Variants in LIN28B observed in about 807,000 individuals in gnomAD.
The protein encoded by LIN28B is lin-28 RNA binding posttranscriptional regulator B, also known as protein lin-28 homolog B.
LIN28B carries 5 observed loss-of-function variants against 21.9 expected under a neutral mutation model. That is an observed-to-expected ratio of 0.23 (90% CI 0.12 to 0.48). LIN28B has a LOEUF of 0.48. Among genes scored for constraint, LIN28B ranks in the 20% least tolerant of loss-of-function variants. The pLI is 0.98. For synonymous variants in LIN28B, 109 were observed against 111.3 expected (o/e 0.98, Z 0.13); for missense variants, 245 against 310.5 (o/e 0.79, Z 1.58).
intron 3 of LIN28B, among the ~76,000 whole-genome samples, chr6:105,069,395 G>A (rs999384078): frequency 1.3e-5 from 2 of 152,096 alleles, no homozygotes; most frequent in African/African-American, 4.8e-5. Context: ...AATTGGTAAT[G>A]ATGGTGAAAT....
At chr6:104,988,744 T>C (rs1770400557) in intron 2 of LIN28B, among the ~76,000 whole-genome samples, 1 of 151,980 alleles carries the variant, frequency 6.6e-6, no homozygotes, top group Non-Finnish European at 1.5e-5. Flanking sequence ...GTCCGGCTAA[T>C]TTTTTTGTAT....
At chr6:105,028,700 G>T (rs540421676) in intron 3 of LIN28B, among the ~76,000 whole-genome samples, 1 of 152,316 alleles carries the variant, frequency 6.6e-6, no homozygotes, top group South Asian at 2.1e-4. Context: ...TTTAATTAGA[G>T]ATACATAATG....
At chr6:105,052,766 A>G (rs1198156816) in intron 3 of LIN28B, among the ~76,000 whole-genome samples, 1 of 151,854 alleles carries the variant, frequency 6.6e-6, no homozygotes, top group Non-Finnish European at 1.5e-5. Flanking sequence ...ATGGCTGTTG[A>G]TTTCTTCTCT....
At chr6:104,954,476 C>T (rs539785602), upstream of LIN28B, among the ~76,000 whole-genome samples, 12 of 152,226 alleles carry the variant, frequency 7.9e-5, no homozygotes, top group African/African-American at 2.6e-4. Flanking sequence ...TCTCCCTTTC[C>T]AACTTCCTTG....
intron 3 of LIN28B, among the ~76,000 whole-genome samples, chr6:105,048,903 C>T (rs962814517): frequency 7.9e-5 from 12 of 152,220 alleles, no homozygotes; most frequent in African/African-American, 1.7e-4. Flanking sequence ...TGATTCTTCT[C>T]TCTTTTCTTC....
At chr6:104,958,003 C>A (rs924105615) in intron 1 of LIN28B, 96 bp from the exon 2 acceptor site, 4 of 800,936 alleles carry the variant, frequency 5.0e-6, no homozygotes, top group African/African-American at 3.5e-5. Context: ...TGTTACCCTT[C>A]CCCCCCAACC....
rs17065423 is a variant in LIN28B, at chr6:104,981,096, A to G, written c.198+22810A>G. The stretch of plus-strand genomic sequence containing the variant: ...AAGGATGCAGGACATAGCTTTTCAC[A>G]TTATAATTCACCTTAGCCTTTGTTT... On this transcript the variant is annotated intron_variant, in intron 2 of 3. Transcript: ENST00000345080. Among the ~76,000 whole-genome samples the G allele has an allele frequency of 4.4e-4, 67 of 152,322 alleles. 1 individual carries two copies. In the East Asian group the frequency reaches 0.012, roughly 28 times the overall value.
chr6:104,962,210 A>G (rs1396290603), intron 2 of LIN28B, among the ~76,000 whole-genome samples: 2 of 152,126 alleles, frequency 1.3e-5, no homozygotes, highest in South Asian at 2.1e-4. Context: ...TTGTTTACAT[A>G]AATGTATTTC....
intron 2 of LIN28B, among the ~76,000 whole-genome samples, chr6:104,979,730 A>G (rs1582876145): frequency 6.6e-6 from 1 of 152,210 alleles, no homozygotes; most frequent in African/African-American, 2.4e-5. Flanking sequence ...AAAACCAGAT[A>G]TATAAATTTG....
chr6:105,059,156 T>A (rs568543200), intron 3 of LIN28B, among the ~76,000 whole-genome samples: 23 of 152,144 alleles, frequency 1.5e-4, no homozygotes, highest in Non-Finnish European at 2.6e-4. Context: ...TCTTGTTTGA[T>A]CTATTAGCCC....
intron 2 of LIN28B, among the ~76,000 whole-genome samples, chr6:104,978,651 A>C (rs772315199): frequency 6.6e-6 from 1 of 152,130 alleles, no homozygotes; most frequent in Admixed American, 6.5e-5. Context: ...GATGGAGCCA[A>C]ATCTTAATCC....
At chr6:104,999,752 C>T (rs1195919491) in intron 2 of LIN28B, among the ~76,000 whole-genome samples, 6 of 152,120 alleles carry the variant, frequency 3.9e-5, no homozygotes, top group Non-Finnish European at 8.8e-5. Context: ...ATGATCTCGG[C>T]TCACTACAAC....
intron 2 of LIN28B, among the ~76,000 whole-genome samples, chr6:104,960,271 G>A (rs1169788881): frequency 6.6e-6 from 1 of 152,100 alleles, no homozygotes; most frequent in East Asian, 1.9e-4. Context: ...GAAGAAGGCA[G>A]GAATCCTACT....
intron 2 of LIN28B, among the ~76,000 whole-genome samples, chr6:104,994,303 C>T (rs773465172): frequency 1.6e-4 from 25 of 152,278 alleles, no homozygotes; most frequent in African/African-American, 3.1e-4. Context: ...CGCGCCTGAC[C>T]GATAAAAACA....
At chr6:104,971,741 CTTAG>C (rs560739322) in intron 2 of LIN28B, among the ~76,000 whole-genome samples, 86 of 152,030 alleles carry the variant, frequency 5.7e-4, no homozygotes, top group African/African-American at 2.0e-3. Context: ...CTTCTGTTTA[CTTAG>C]TTAAATTTAA....
chr6:104,997,344 G>C (rs987801049), intron 2 of LIN28B, among the ~76,000 whole-genome samples: 1 of 151,126 alleles, frequency 6.6e-6, no homozygotes, highest in Non-Finnish European at 1.5e-5. Context: ...TTTTTACATG[G>C]TTATAATTTT....
chr6:105,035,338 T>G (rs538197007), intron 3 of LIN28B, among the ~76,000 whole-genome samples: 1 of 152,248 alleles, frequency 6.6e-6, no homozygotes, highest in South Asian at 2.1e-4. Context: ...ACCCTGATAC[T>G]TGTGTGATTA....
intron 2 of LIN28B, among the ~76,000 whole-genome samples, chr6:104,950,279 A>C (rs1253393401): frequency 1.3e-5 from 2 of 152,174 alleles, no homozygotes; most frequent in East Asian, 3.8e-4. Context: ...ATAAAAGGCA[A>C]GTATATGCCA....
chr6:105,060,734 A>G (rs1772108967), intron 3 of LIN28B, among the ~76,000 whole-genome samples: 1 of 152,212 alleles, frequency 6.6e-6, no homozygotes, highest in South Asian at 2.1e-4. Context: ...CCAACCAGGT[A>G]TTATACCAGT....
Sources: gnomAD v4.1 joint callset for allele counts (sites outside exome capture counted in the v4.1 genomes callset) on GRCh38, gnomAD v4.1.1 for gene constraint, MANE v1.5 for transcripts, NCBI Gene and HGNC (gene_info 2026-07-23, HGNC 2026-07-21) for gene names.